The following SLC28A3 variants were observed in gnomAD, a reference collection of about 807,000 sequenced individuals.
SLC28A3 encodes solute carrier family 28 member 3, also known as concentrative Na(+)-nucleoside cotransporter 3.
Under a neutral mutation model 84.2 loss-of-function variants are expected in SLC28A3, and 68 were observed. The observed-to-expected ratio is 0.81, with a 90% CI of 0.66 to 0.99. SLC28A3 has a LOEUF of 0.99. SLC28A3 is among the 50% of genes least tolerant of loss of function. SLC28A3 has a pLI of 0.00. For synonymous variants in SLC28A3, 267 were observed against 303.6 expected (o/e 0.88, Z 1.25); for missense variants, 712 against 841.5 (o/e 0.85, Z 1.90).
upstream of SLC28A3, among the ~76,000 whole-genome samples, chr9:84,344,538 A>ACT (rs1206682997): frequency 6.6e-6 from 1 of 151,872 alleles, no homozygotes; most frequent in Non-Finnish European, 1.5e-5. Flanking sequence ...TTCAAACCTG[A>ACT]CTCGCATAAC....
the SLC28A3 span, among the ~76,000 whole-genome samples, chr9:84,347,602 A>C: frequency 2.6e-5 from 4 of 152,338 alleles, no homozygotes; most frequent in Admixed American, 2.6e-4. Context: ...AAGGCTAATA[A>C]TATGGGGTTG....
intron 16 of SLC28A3, 23 bp downstream of exon 16, chr9:84,279,952 A>T: frequency 1.2e-6 from 2 of 1,610,522 alleles, no homozygotes; most frequent in Non-Finnish European, 1.7e-6. Flanking sequence ...GGGCACTGGG[A>T]CACAAAGGAC....
In SLC28A3 at chr9:84,288,078, GT is replaced by G; in HGVS notation, c.1249del (p.Thr417ProfsTer6). ...TTCCATTTTCATGGCATTCTTGAGGGTTATTTTAGGTTTTTCTGTCTCAGGC... is the reference window on the plus strand; with the variant it reads ...TTCCATTTTCATGGCATTCTTGAGGGTATTTTAGGTTTTTCTGTCTCAGGC... ...FWPETEKPKI[T>X]LKNAMKMESG... On this transcript the variant is annotated frameshift_variant, in exon 12 of 18. Transcript: ENST00000376238. LOFTEE classifies it high-confidence loss of function. 6.2e-7 allele frequency: 1 copy of G among 1,613,982 alleles called. No homozygotes were observed. Among genetic ancestry groups the G allele is most frequent in the Non-Finnish European group, 8.5e-7 (1 of 1,179,938 alleles).
rs1369016674 is a variant in SLC28A3 at position 84,297,224 on chromosome 9, A to C, written c.858T>G (p.Phe286Leu). 1 of 1,612,322 alleles carries C rather than the reference A, an allele frequency of 6.2e-7. No homozygotes were observed. Among genetic ancestry groups the C allele is most frequent in the Admixed American group, 1.7e-5 (1 of 59,762 alleles). ...GEKYKDHFFA[F>L]KVLPIVVFFS... is the part of the protein sequence containing the mutation. ...TAGAAAAAAGGTTTGACTTTACCTT[A>C]AATGCAAAGAAGTGGTCTTTGTATT... The change falls in exon 8 of 18, where the codon TTT becomes TTG. Residue 286 changes from phenylalanine to leucine, a missense_variant. Coordinates refer to ENST00000376238, the MANE Select transcript of SLC28A3 (RefSeq NM_001199633.2).
rs368980506 is a variant in SLC28A3 at position 84,297,905 on chromosome 9, C to A, written c.783+1G>T. The A allele has an allele frequency of 5.0e-6, 8 of 1,597,084 alleles. No individual in the cohort carries two copies. Among genetic ancestry groups the A allele is most frequent in the Non-Finnish European group, 6.0e-6 (7 of 1,176,202 alleles). On this transcript the variant is annotated splice_donor_variant, in intron 7 of 17. Transcript: ENST00000376238. LOFTEE classifies it high-confidence loss of function. The stretch of plus-strand genomic sequence containing the variant: ...AAAGTGTTCTTTTGAACCAAACTTA[C>A]CTGAACTTGTCTGCCCAACCAATCA...
chr9:84,326,018 C>T (rs1826535473), intron 1 of SLC28A3, among the ~76,000 whole-genome samples: 1 of 152,130 alleles, frequency 6.6e-6, no homozygotes, highest in Non-Finnish European at 1.5e-5. Flanking sequence ...TAGCAGCTAT[C>T]AAAGATCCAG....
intron 1 of SLC28A3, among the ~76,000 whole-genome samples, chr9:84,326,383 AAAAAC>A (rs1826548194): frequency 6.6e-6 from 1 of 152,184 alleles, no homozygotes; most frequent in South Asian, 2.1e-4. Flanking sequence ...ATCAAAAGAA[AAAAAC>A]AAAACAAAAA....
intron 5 of SLC28A3, 109 bp downstream of exon 5, chr9:84,302,091 G>A (rs1278080917): frequency 5.9e-6 from 6 of 1,024,608 alleles, no homozygotes; most frequent in South Asian, 3.2e-5. Context: ...GGTGTTTCTA[G>A]CTTCCATATC....
rs1302334939 is a variant in SLC28A3, at chr9:84,285,946, A to C, written c.1446T>G (p.Phe482Leu). The change falls in exon 13 of 18, where the codon TTT becomes TTG. Residue 482 changes from phenylalanine (F) to leucine (L), a missense_variant. Transcript: ENST00000376238. The part of the protein sequence containing the change: ...GNMFDYPQLS[F>L]ELICSYIFMP... The stretch of plus-strand genomic sequence containing the variant: ...CAGGGGCGTGATGTGATTATACCTC[A>C]AAACTCAGCTGTGGGTAGTCAAACA... 8.1e-6 allele frequency: 13 copies of C among 1,613,368 alleles called. No individual in the cohort carries two copies. In the East Asian group the frequency reaches 2.9e-4, roughly 36 times the overall value.
At chr9:84,332,195 A>G (rs1001036092) in intron 1 of SLC28A3, among the ~76,000 whole-genome samples, 1 of 152,216 alleles carries the variant, frequency 6.6e-6, no homozygotes, top group Admixed American at 6.5e-5. Flanking sequence ...AATGAGCAAT[A>G]TGGACATTGT....
rs923289362 is a variant in SLC28A3 at position 84,276,332 on chromosome 9, CT to C, written c.*1885del. 1.3e-4 allele frequency: 19 copies of C among 145,028 alleles called. 1 individual carries two copies. Among genetic ancestry groups the C allele is most frequent in the African/African-American group, 5.0e-4 (19 of 38,078 alleles). 9.0% of individuals were successfully genotyped at this position (145,028 alleles called of 1,614,324 possible). A position where few individuals can be genotyped will look rare whatever the true frequency, so the allele number is the denominator to read the frequency against. On this transcript the variant is annotated 3_prime_UTR_variant, in exon 18 of 18. Transcript: ENST00000376238. The stretch of plus-strand genomic sequence containing the variant: ...GTTAAATATATTAAAATTAATTTTA[CT>C]TGTTTTTTAGCGTGGCTACTAGATC...
the SLC28A3 span, among the ~76,000 whole-genome samples, chr9:84,347,830 G>A: frequency 6.6e-6 from 1 of 152,170 alleles, no homozygotes; most frequent in Non-Finnish European, 1.5e-5. Context: ...TTGGAACAGC[G>A]TCAGCTCAAG....
At chr9:84,298,337 A>G (rs1309071365) in intron 6 of SLC28A3, among the ~76,000 whole-genome samples, 1 of 152,174 alleles carries the variant, frequency 6.6e-6, no homozygotes, top group Non-Finnish European at 1.5e-5. Context: ...AAATACAAAA[A>G]GAAGCCAGGC....
intron 9 of SLC28A3, 23 bp from the exon 10 acceptor site, chr9:84,292,771 G>A (rs532151786): frequency 1.3e-6 from 2 of 1,521,298 alleles, no homozygotes; most frequent in African/African-American, 1.4e-5. Context: ...AAGGGACAAA[G>A]TCAGCAAAGA....
chr9:84,342,339 A>G (rs968917152), upstream of SLC28A3, among the ~76,000 whole-genome samples: 2 of 151,914 alleles, frequency 1.3e-5, no homozygotes, highest in African/African-American at 4.8e-5. Context: ...ATGTAAGTAT[A>G]GAGTTTATTT....
At chr9:84,342,077 C>T (rs537371510), upstream of SLC28A3, among the ~76,000 whole-genome samples, 247 of 141,780 alleles carry the variant, frequency 1.7e-3, 1 homozygote, top group Middle Eastern at 0.019. Flanking sequence ...TGCAGTGAGC[C>T]GAAAACGCAC....
intron 3 of SLC28A3, among the ~76,000 whole-genome samples, chr9:84,309,294 G>A (rs1588596268): frequency 6.6e-6 from 1 of 152,096 alleles, no homozygotes; most frequent in Non-Finnish European, 1.5e-5. Flanking sequence ...AGGTCGAGGT[G>A]GGTGGATCAT....
intron 4 of SLC28A3, among the ~76,000 whole-genome samples, chr9:84,305,020 T>A (rs1825743464): frequency 6.6e-6 from 1 of 151,986 alleles, no homozygotes; most frequent in Admixed American, 6.6e-5. Flanking sequence ...AGACTCCATC[T>A]CAAAGAAAAA....
chr9:84,320,637 G>T (rs368976304), intron 1 of SLC28A3, among the ~76,000 whole-genome samples: 2 of 152,100 alleles, frequency 1.3e-5, no homozygotes, highest in African/African-American at 4.8e-5. Context: ...ACTATGGGAC[G>T]GACACTGCTT....
Sources: allele counts gnomAD v4.1 joint callset (sites outside exome capture counted in the v4.1 genomes callset), GRCh38; gene constraint gnomAD v4.1.1; transcripts MANE v1.5; gene names NCBI Gene and HGNC (gene_info 2026-07-23, HGNC 2026-07-21).